UBTD2: variants seen among roughly 807,000 people sequenced by gnomAD.
The protein encoded by UBTD2 is ubiquitin domain containing 2.
A neutral mutation model predicts 19.8 loss-of-function variants in UBTD2; 9 were observed. The ratio of observed to expected loss-of-function variants is 0.46; its 90% CI spans 0.27 to 0.79. The LOEUF (loss-of-function observed/expected upper bound fraction) is 0.79. Among genes scored for constraint, UBTD2 ranks in the 30% least tolerant of loss-of-function variants. The probability of loss-of-function intolerance (pLI) is 0.14; values close to 1 mark genes in which losing one functional copy is unlikely to be tolerated. For synonymous variants in UBTD2, 98 were observed against 103.9 expected (o/e 0.94, Z 0.35); for missense variants, 250 against 300.4 (o/e 0.83, Z 1.24).
At chr5:172,224,622 C>T (rs943248295) in intron 2 of UBTD2, among the ~76,000 whole-genome samples, 2 of 152,088 alleles carry the variant, frequency 1.3e-5, no homozygotes, top group Non-Finnish European at 2.9e-5. Context: ...GGACTCTTCC[C>T]GCTCTGCTCC....
chr5:172,220,946 A>G (rs1207907421), intron 2 of UBTD2, among the ~76,000 whole-genome samples: 1 of 152,250 alleles, frequency 6.6e-6, no homozygotes, highest in East Asian at 1.9e-4. Flanking sequence ...TTAATATACA[A>G]AAGTCAACTG....
At chr5:172,266,505 C>T (rs923676910) in intron 1 of UBTD2, among the ~76,000 whole-genome samples, 4 of 152,182 alleles carry the variant, frequency 2.6e-5, no homozygotes, top group African/African-American at 4.8e-5. Flanking sequence ...TCTCATCCAC[C>T]GGCCCCTTTT....
At chr5:172,278,380 G>A (rs564662471) in intron 1 of UBTD2, among the ~76,000 whole-genome samples, 16 of 152,160 alleles carry the variant, frequency 1.1e-4, no homozygotes, top group Non-Finnish European at 1.9e-4. Context: ...TTAGCCAGGC[G>A]TGGTGGTGCG....
chr5:172,270,157 G>A (rs971115944), intron 1 of UBTD2, among the ~76,000 whole-genome samples: 1 of 151,296 alleles, frequency 6.6e-6, no homozygotes, highest in East Asian at 2.0e-4. Flanking sequence ...ACGGCTCACT[G>A]CAGCCTTGAA....
chr5:172,232,502 T>C (rs985537493), intron 2 of UBTD2, among the ~76,000 whole-genome samples: 3 of 152,040 alleles, frequency 2.0e-5, no homozygotes, highest in African/African-American at 7.2e-5. Context: ...AAAGGAATGT[T>C]TCTTGGAAGC....
chr5:172,279,110 G>A (rs551438450), intron 1 of UBTD2, among the ~76,000 whole-genome samples: 137 of 152,256 alleles, frequency 9.0e-4, no homozygotes, highest in African/African-American at 3.0e-3. Context: ...AGTAAACTAC[G>A]GAAAAACAGA....
intron 1 of UBTD2, among the ~76,000 whole-genome samples, chr5:172,243,966 T>A (rs975963427): frequency 6.6e-6 from 1 of 151,916 alleles, no homozygotes; most frequent in African/African-American, 2.4e-5. Context: ...AAATCAGAGA[T>A]CAAGAGGGTT....
At chr5:172,272,976 C>G (rs1048602569) in intron 1 of UBTD2, among the ~76,000 whole-genome samples, 2 of 151,870 alleles carry the variant, frequency 1.3e-5, no homozygotes, top group African/African-American at 4.8e-5. Context: ...ACTCGGGAGG[C>G]TGAGGCAGGA....
Position 172,210,224 on chromosome 5 carries a change from C to G in UBTD2, c.*1606G>C, listed in dbSNP as rs1771411715. 6.6e-6 allele frequency: 1 copy of G among 152,140 alleles called. No individual in the cohort carries two copies. Among genetic ancestry groups the G allele is most frequent in the Admixed American group, 6.5e-5 (1 of 15,272 alleles). 9.4% of individuals were successfully genotyped at this position (152,140 alleles called of 1,614,324 possible). ...TCTCAGAAACATGATGTTACAATTA[C>G]AGATATATTTAATCAGGCAATAGGA... On this transcript the variant is annotated 3_prime_UTR_variant, in exon 3 of 3. Transcript: ENST00000393792.
chr5:172,236,352 A>C (rs1054299385), intron 1 of UBTD2, among the ~76,000 whole-genome samples: 1 of 152,254 alleles, frequency 6.6e-6, no homozygotes, highest in South Asian at 2.1e-4. Flanking sequence ...TTTAATCAAC[A>C]AATATGTACT....
At chr5:172,218,817 T>A (rs10058357) in intron 2 of UBTD2, among the ~76,000 whole-genome samples, 38,646 of 88,828 alleles carry the variant, frequency 0.44, 5,573 homozygotes, top group African/African-American at 0.53. Context: ...AAATAAAAAA[T>A]AAAAATAAAA....
intron 1 of UBTD2, among the ~76,000 whole-genome samples, chr5:172,250,764 G>C (rs13163648): frequency 0.32 from 48,838 of 151,128 alleles, 7,958 homozygotes; most frequent in South Asian, 0.42. Context: ...AAAACCCTGT[G>C]TCTACAAAAA....
In UBTD2 at chr5:172,283,543, G is replaced by A. The variant is rs546679640; in HGVS notation, c.70+53C>T. 966 of 1,254,832 alleles carry A rather than the reference G, an allele frequency of 7.7e-4. 6 individuals carry two copies. The African/African-American group carries it at 0.013, about 17-fold the overall frequency. The allele number at this position is 1,254,832 out of a possible 1,614,324, so 77.7% of individuals were successfully genotyped here. On this transcript the variant is annotated intron_variant, in intron 1 of 2. Coordinates refer to ENST00000393792, the MANE Select transcript of UBTD2 (RefSeq NM_152277.3). This position sits in a 1 kb window ranked among gnomAD's most constrained non-coding sequence, Gnocchi z 4.3. ...CCCGCGGGGGTCGGGACAGGTGGCC[G>A]GGCCTGGCCGGGAACAATGGGGGGC...
intron 1 of UBTD2, among the ~76,000 whole-genome samples, chr5:172,263,750 G>A (rs754544038): frequency 1.3e-5 from 2 of 152,080 alleles, no homozygotes; most frequent in Non-Finnish European, 2.9e-5. Context: ...CCGAGATCGC[G>A]CCACTGCACT....
intron 1 of UBTD2, among the ~76,000 whole-genome samples, chr5:172,260,723 G>A (rs543412271): frequency 1.3e-5 from 2 of 152,206 alleles, no homozygotes; most frequent in South Asian, 2.1e-4. Context: ...TGTCTCACTC[G>A]ATGTCCATTC....
intron 2 of UBTD2, among the ~76,000 whole-genome samples, chr5:172,223,568 C>T (rs1771694672): frequency 7.9e-6 from 1 of 125,916 alleles, no homozygotes; most frequent in South Asian, 2.6e-4. Context: ...CACTGCACTC[C>T]AGCCTGGGCG....
intron 1 of UBTD2, among the ~76,000 whole-genome samples, chr5:172,270,721 C>A (rs191551553): frequency 6.6e-6 from 1 of 152,164 alleles, no homozygotes; most frequent in Non-Finnish European, 1.5e-5. Context: ...AATCTGAAAA[C>A]CTGAAATCCT....
At chr5:172,256,592 CTTT>C (rs1755158541) in intron 1 of UBTD2, among the ~76,000 whole-genome samples, 1 of 149,082 alleles carries the variant, frequency 6.7e-6, no homozygotes, top group East Asian at 2.0e-4. Flanking sequence ...GGTAAATACA[CTTT>C]TTGATATTTT....
At chr5:172,246,671 T>C (rs1754889226) in intron 1 of UBTD2, among the ~76,000 whole-genome samples, 1 of 149,112 alleles carries the variant, frequency 6.7e-6, no homozygotes, top group South Asian at 2.2e-4. Context: ...CTCGAACTCC[T>C]GCCCTTAAGT....
Sources: gnomAD v4.1 joint callset for allele counts (sites outside exome capture counted in the v4.1 genomes callset) on GRCh38, gnomAD v4.1.1 for gene constraint, Gnocchi (gnomAD v3.1) non-coding constraint, MANE v1.5 for transcripts, NCBI Gene and HGNC (gene_info 2026-07-23, HGNC 2026-07-21) for gene names.